DTNB: variants seen among roughly 807,000 people sequenced by gnomAD.
The protein encoded by DTNB is dystrobrevin beta.
A neutral mutation model predicts 90.7 loss-of-function variants in DTNB; 63 were observed. The ratio of observed to expected loss-of-function variants is 0.69; its 90% CI spans 0.57 to 0.86. DTNB has a LOEUF of 0.86. Among genes scored for constraint, DTNB ranks in the 40% least tolerant of loss-of-function variants. The probability of loss-of-function intolerance (pLI) is 0.00; values close to 1 mark genes in which losing one functional copy is unlikely to be tolerated. For synonymous variants in DTNB, 277 were observed against 286.7 expected, an observed-to-expected ratio of 0.97 and a Z score of 0.34; for missense variants, 744 against 807.1, an observed-to-expected ratio of 0.92 and a Z score of 0.95.
chr2:25,503,497 C>T (rs1345934358), intron 9 of DTNB, among the ~76,000 whole-genome samples: 1 of 151,988 alleles, frequency 6.6e-6, no homozygotes, highest in Admixed American at 6.6e-5. Context: ...TGTCTCTAAA[C>T]AAAACAACCA....
At chr2:25,594,221 G>A (rs1050535469) in intron 6 of DTNB, among the ~76,000 whole-genome samples, 4 of 152,100 alleles carry the variant, frequency 2.6e-5, no homozygotes, top group Non-Finnish European at 4.4e-5. Context: ...TATTCGGGGG[G>A]GAAAATGTGA....
At chr2:25,406,176 C>T (rs1309538583) in intron 16 of DTNB, among the ~76,000 whole-genome samples, 2 of 151,992 alleles carry the variant, frequency 1.3e-5, no homozygotes, top group Non-Finnish European at 1.5e-5. Flanking sequence ...TCTGAGAATG[C>T]CGTGGAGGCG....
intron 10 of DTNB, among the ~76,000 whole-genome samples, chr2:25,469,082 A>C (rs1007375732): frequency 1.3e-5 from 2 of 152,186 alleles, no homozygotes; most frequent in Non-Finnish European, 2.9e-5. Flanking sequence ...CCTTGAGAGG[A>C]ATACTGAAAT....
At chr2:25,578,245 T>G (rs948082451) in intron 7 of DTNB, among the ~76,000 whole-genome samples, 3 of 152,120 alleles carry the variant, frequency 2.0e-5, no homozygotes, top group Admixed American at 2.0e-4. Context: ...AAAACTAAAC[T>G]CAGTAATGAG....
intron 9 of DTNB, among the ~76,000 whole-genome samples, chr2:25,513,369 G>C (rs2074335165): frequency 6.6e-6 from 1 of 152,110 alleles, no homozygotes; most frequent in Non-Finnish European, 1.5e-5. Flanking sequence ...CAATCATAAT[G>C]AACTAGAGAA....
At chr2:25,633,336 G>A (rs1036697096) in intron 3 of DTNB, among the ~76,000 whole-genome samples, 7 of 152,254 alleles carry the variant, frequency 4.6e-5, no homozygotes, top group East Asian at 1.9e-4. Context: ...ACTGGTTTTC[G>A]TATTTTTTTG....
At chr2:25,518,648 C>T (rs1293272626) in intron 9 of DTNB, among the ~76,000 whole-genome samples, 3 of 152,066 alleles carry the variant, frequency 2.0e-5, no homozygotes, top group Non-Finnish European at 2.9e-5. Context: ...CAGGCAAAAA[C>T]GTTATCCTAT....
chr2:25,546,776 C>T (rs1395436394), intron 8 of DTNB, among the ~76,000 whole-genome samples: 2 of 151,868 alleles, frequency 1.3e-5, no homozygotes, highest in East Asian at 3.8e-4. Context: ...TTACAATTAG[C>T]TTAGTTTGCC....
rs553556132 is a variant in DTNB at position 25,574,070 on chromosome 2, C to T, written c.876+2768G>A. Among the ~76,000 whole-genome samples the T allele has an allele frequency of 2.6e-5, 4 of 152,254 alleles. No homozygotes were observed. The South Asian group carries it at 6.2e-4, about 24-fold the overall frequency. On this transcript the variant is annotated intron_variant, in intron 8 of 20. Transcript: ENST00000406818. ...CTGGAAAGACACCTATCATTCTGTTCGCATTCCACTGGCAAGAACTACTCA... is the reference window on the plus strand; with the variant it reads ...CTGGAAAGACACCTATCATTCTGTTTGCATTCCACTGGCAAGAACTACTCA...
chr2:25,591,298 C>A (rs964633482), intron 6 of DTNB, among the ~76,000 whole-genome samples: 1 of 152,186 alleles, frequency 6.6e-6, no homozygotes, highest in Non-Finnish European at 1.5e-5. Context: ...AAGCTCCCAC[C>A]CTGTCAACTG....
At chr2:25,405,291 G>T (rs190671584) in intron 16 of DTNB, among the ~76,000 whole-genome samples, 1 of 152,000 alleles carries the variant, frequency 6.6e-6, no homozygotes, top group Non-Finnish European at 1.5e-5. Context: ...CTGTAATTCT[G>T]GCACTTTGGG....
intron 6 of DTNB, among the ~76,000 whole-genome samples, chr2:25,591,042 C>G (rs546930143): frequency 6.6e-6 from 1 of 152,208 alleles, no homozygotes; most frequent in Non-Finnish European, 1.5e-5. Context: ...AGTGCTGCCC[C>G]GAGCGTGTGC....
intron 8 of DTNB, among the ~76,000 whole-genome samples, chr2:25,562,363 C>A (rs2058394923): frequency 6.6e-6 from 1 of 152,276 alleles, no homozygotes; most frequent in East Asian, 1.9e-4. Flanking sequence ...CACTTTTTAG[C>A]TCTTTGGAAT....
chr2:25,552,219 C>A (rs2056412223), intron 8 of DTNB, among the ~76,000 whole-genome samples: 1 of 152,186 alleles, frequency 6.6e-6, no homozygotes, highest in Non-Finnish European at 1.5e-5. Flanking sequence ...GTCAAGACTT[C>A]CTGTTCAGAC....
intron 2 of DTNB, among the ~76,000 whole-genome samples, chr2:25,647,556 A>C (rs1389577096): frequency 1.3e-5 from 2 of 152,194 alleles, no homozygotes; most frequent in Non-Finnish European, 2.9e-5. Flanking sequence ...GGTTTTTTTA[A>C]CTAAAACATT....
At chr2:25,565,441 C>T (rs2123825) in intron 8 of DTNB, among the ~76,000 whole-genome samples, 103 of 151,892 alleles carry the variant, frequency 6.8e-4, no homozygotes, top group African/African-American at 2.3e-3. Flanking sequence ...GTAGAGATAG[C>T]GTTTCACTAT....
chr2:25,627,336 C>CG (rs1287567805), intron 4 of DTNB, among the ~76,000 whole-genome samples: 4 of 151,806 alleles, frequency 2.6e-5, no homozygotes, highest in African/African-American at 9.7e-5. Flanking sequence ...CGCTTGAACC[C>CG]GGGGGGTGGA....
intron 8 of DTNB, chr2:25,576,526 C>G (rs919621370): frequency 1.5e-5 from 3 of 194,018 alleles, no homozygotes; most frequent in African/African-American, 7.1e-5. Context: ...TCGTGCCCAG[C>G]CTGTACAGTT....
chr2:25,590,353 A>T (rs1018708526), intron 6 of DTNB, among the ~76,000 whole-genome samples: 7 of 152,176 alleles, frequency 4.6e-5, no homozygotes, highest in African/African-American at 1.4e-4. Flanking sequence ...TATGTGGAAA[A>T]GTGGAGGGTA....
Sources: allele counts gnomAD v4.1 joint callset (sites outside exome capture counted in the v4.1 genomes callset), GRCh38; gene constraint gnomAD v4.1.1; transcripts MANE v1.5; gene names NCBI Gene and HGNC (gene_info 2026-07-23, HGNC 2026-07-21).